The following PEMT variants were observed in gnomAD, a reference collection of about 807,000 sequenced individuals.
PEMT encodes the protein phosphatidylethanolamine N-methyltransferase.
PEMT carries 23 observed loss-of-function variants against 27.4 expected under a neutral mutation model. The ratio of observed to expected loss-of-function variants is 0.84; its 90% CI spans 0.60 to 1.19. The LOEUF (loss-of-function observed/expected upper bound fraction) is 1.19, where lower values mean the gene tolerates loss of function less well. PEMT is among the 50% of genes most tolerant of loss of function. The pLI is 0.00. For synonymous variants in PEMT, 137 were observed against 139.1 expected (o/e 0.98, Z 0.11); for missense variants, 307 against 310.1 (o/e 0.99, Z 0.07).
intron 1 of PEMT, among the ~76,000 whole-genome samples, chr17:17,578,890 T>C (rs1056501575): frequency 2.0e-5 from 3 of 152,164 alleles, no homozygotes; most frequent in Non-Finnish European, 4.4e-5. Flanking sequence ...CAAACCTCCA[T>C]GTTCTGCACA....
chr17:17,584,814 C>T (rs1241719004), intron 1 of PEMT, among the ~76,000 whole-genome samples: 1 of 152,254 alleles, frequency 6.6e-6, no homozygotes, highest in Admixed American at 6.5e-5. Context: ...CAAGGACGCC[C>T]GTGCCACGGC....
intron 2 of PEMT, among the ~76,000 whole-genome samples, chr17:17,541,909 T>C (rs1414251788): frequency 6.6e-6 from 1 of 152,244 alleles, no homozygotes; most frequent in Non-Finnish European, 1.5e-5. Flanking sequence ...CCAGGGCTCA[T>C]CTGCCTGGTA....
chr17:17,508,770 G>A (rs746576390), intron 5 of PEMT: 6 of 468,054 alleles, frequency 1.3e-5, no homozygotes, highest in Non-Finnish European at 2.2e-5. Context: ...GGCTGAGGCC[G>A]ACAGCAGTTC....
At chr17:17,562,303 G>C (rs144150793) in intron 2 of PEMT, among the ~76,000 whole-genome samples, 3 of 152,334 alleles carry the variant, frequency 2.0e-5, no homozygotes, top group Non-Finnish European at 1.5e-5. Flanking sequence ...CTCAGGCACT[G>C]AGCTCACTGC....
upstream of PEMT, chr17:17,591,748 T>G (rs1156827222): frequency 7.6e-6 from 11 of 1,452,830 alleles, no homozygotes; most frequent in Admixed American, 2.7e-5. Flanking sequence ...CCCCAACATA[T>G]TCCGGCCTTC....
intron 1 of PEMT, among the ~76,000 whole-genome samples, chr17:17,588,353 C>T (rs1165482871): frequency 1.3e-5 from 2 of 152,140 alleles, no homozygotes; most frequent in Non-Finnish European, 2.9e-5. Context: ...CAAGATACCC[C>T]GCATCGGCCA....
intron 2 of PEMT, among the ~76,000 whole-genome samples, chr17:17,554,890 A>G (rs1909938905): frequency 6.6e-6 from 1 of 152,166 alleles, no homozygotes; most frequent in Non-Finnish European, 1.5e-5. Flanking sequence ...TGCTAGGATT[A>G]CAGGCACGAG....
intron 2 of PEMT, among the ~76,000 whole-genome samples, chr17:17,555,870 AG>A (rs1353719647): frequency 6.6e-6 from 1 of 152,278 alleles, no homozygotes; most frequent in East Asian, 1.9e-4. Context: ...CCATAGAAGG[AG>A]GGGGATGCGT....
intron 2 of PEMT, among the ~76,000 whole-genome samples, chr17:17,542,783 C>T (rs968172621): frequency 1.3e-5 from 2 of 152,208 alleles, no homozygotes; most frequent in Non-Finnish European, 2.9e-5. Flanking sequence ...GATGAGCAAA[C>T]CCAGGTTGAG....
At chr17:17,507,608 G>A (rs539652914) in intron 5 of PEMT, 17 of 186,850 alleles carry the variant, frequency 9.1e-5, no homozygotes, top group South Asian at 5.7e-4. Context: ...TGCACAACAC[G>A]AAGCAGGAGG....
chr17:17,523,249 G>T lies in PEMT; in HGVS notation c.205-854C>A, dbSNP rs1907421230. On this transcript the variant is annotated intron_variant, in intron 2 of 6. Coordinates refer to ENST00000255389, the MANE Select transcript of PEMT (RefSeq NM_148172.3). The surrounding 1 kb of genome is among the most constrained non-coding windows in gnomAD (Gnocchi z 4.8). ...GCAAGTTGTCTGTGGGCCCAGAGTA[G>T]GCGCCTGTGTGTGCACAGGAAGAGC... 6.6e-6 allele frequency among the ~76,000 whole-genome samples: 1 copy of T among 152,212 alleles called. No homozygotes were observed. The highest frequency in any genetic ancestry group is 1.5e-5 in the Non-Finnish European group (1 of 68,048).
At chr17:17,553,714 C>T (rs572587209) in intron 2 of PEMT, among the ~76,000 whole-genome samples, 7 of 152,354 alleles carry the variant, frequency 4.6e-5, no homozygotes, top group East Asian at 1.9e-4. Context: ...AGGTTCTCCC[C>T]GGCAGCACTT....
chr17:17,579,131 C>T (rs554450077), intron 1 of PEMT, among the ~76,000 whole-genome samples: 58 of 152,202 alleles, frequency 3.8e-4, no homozygotes, highest in Non-Finnish European at 7.3e-4. Context: ...TCAGCCAGCC[C>T]TGGGGGGCAA....
At chr17:17,587,169 A>G (rs1912359603) in intron 1 of PEMT, among the ~76,000 whole-genome samples, 1 of 152,122 alleles carries the variant, frequency 6.6e-6, no homozygotes, top group Non-Finnish European at 1.5e-5. Context: ...TATTTTCCCA[A>G]TAAAACTGAG....
At chr17:17,592,031 T>C (rs1000145412), upstream of PEMT, 7 of 985,376 alleles carry the variant, frequency 7.1e-6, no homozygotes, top group African/African-American at 1.2e-4. Flanking sequence ...GTCGTAGCTA[T>C]AAGCAGCTTC....
chr17:17,528,108 G>A (rs1305566220), intron 2 of PEMT, among the ~76,000 whole-genome samples: 2 of 152,238 alleles, frequency 1.3e-5, no homozygotes, highest in Admixed American at 6.5e-5. Flanking sequence ...AAGGGCCCAC[G>A]GAACCACTGA....
At chr17:17,522,163 C>A in intron 3 of PEMT, 117 bp downstream of exon 3, 1 of 726,864 alleles carries the variant, frequency 1.4e-6, no homozygotes, top group Non-Finnish European at 2.4e-6. Context: ...GCTTTGAGAG[C>A]TAACCCCTGA....
In PEMT at chr17:17,512,395, G is replaced by T; in HGVS notation, c.466+114C>A. On this transcript the variant is annotated intron_variant, in intron 4 of 6. Transcript: ENST00000255389. The surrounding 1 kb of genome is among the most constrained non-coding windows in gnomAD (Gnocchi z 6.3). ...GAGCAAAGACGCCCCGATGGAGGGG[G>T]CCCCTAGCACTCCCACCGATGTCAC... 1 of 1,046,916 alleles carries T rather than the reference G, an allele frequency of 9.6e-7. No homozygotes were observed. Among genetic ancestry groups the T allele is most frequent in the Non-Finnish European group, 1.3e-6 (1 of 771,980 alleles). 64.9% of individuals were successfully genotyped at this position (1,046,916 alleles called of 1,614,324 possible). A position where few individuals can be genotyped will look rare whatever the true frequency, so the allele number is the denominator to read the frequency against.
intron 2 of PEMT, among the ~76,000 whole-genome samples, chr17:17,538,102 GC>G (rs1366441353): frequency 2.6e-5 from 4 of 152,250 alleles, no homozygotes; most frequent in Non-Finnish European, 2.9e-5. Context: ...CCAGTCAGGG[GC>G]CTGGGTCCCA....
Sources: gnomAD v4.1 joint callset for allele counts (sites outside exome capture counted in the v4.1 genomes callset) on GRCh38, gnomAD v4.1.1 for gene constraint, Gnocchi (gnomAD v3.1) non-coding constraint, MANE v1.5 for transcripts, NCBI Gene and HGNC (gene_info 2026-07-23, HGNC 2026-07-21) for gene names.